The following UNC93B1 variants were observed in gnomAD, a reference collection of about 807,000 sequenced individuals.
UNC93B1 encodes unc-93B1 regulator of TLR signaling.
UNC93B1 carries 33 observed loss-of-function variants against 56.8 expected under a neutral mutation model. That is an observed-to-expected ratio of 0.58 (90% CI 0.44 to 0.78). The LOEUF (loss-of-function observed/expected upper bound fraction) is 0.78. Among genes scored for constraint, UNC93B1 ranks in the 30% least tolerant of loss-of-function variants. The pLI is 0.00. For synonymous variants in UNC93B1, 334 were observed against 358.6 expected, an observed-to-expected ratio of 0.93 and a Z score of 0.77; for missense variants, 673 against 819.5, an observed-to-expected ratio of 0.82 and a Z score of 2.18.
At chr11:67,996,825 G>C (rs377212780) in intron 7 of UNC93B1, 41 bp from the exon 8 acceptor site, 2 of 1,488,042 alleles carry the variant, frequency 1.3e-6, no homozygotes, top group East Asian at 2.5e-5. Context: ...GCCAGGCCCA[G>C]GCCTGGCCTC....
At chr11:67,998,559 C>T in intron 5 of UNC93B1, 107 bp from the exon 6 acceptor site, 5 of 1,100,836 alleles carry the variant, frequency 4.5e-6, no homozygotes, top group Non-Finnish European at 4.0e-6. Flanking sequence ...GAACAGGGGC[C>T]TTCCCAGTTC....
chr11:68,002,984 G>T, intron 3 of UNC93B1, 38 bp downstream of exon 3: 1 of 1,573,868 alleles, frequency 6.4e-7, no homozygotes, highest in African/African-American at 1.4e-5. Flanking sequence ...CTCCGAAATG[G>T]GAGTACCGCA....
Position 67,995,690 on chromosome 11 carries a change from G to A in UNC93B1, c.1284C>T (p.Val428=), listed in dbSNP as rs1294831113. 3 of 1,547,726 alleles carry A rather than the reference G, an allele frequency of 1.9e-6. No individual in the cohort carries two copies. Among genetic ancestry groups the A allele is most frequent in the Non-Finnish European group, 2.6e-6 (3 of 1,146,498 alleles). ...ILFFWAPVPR[V]LQHSWILYVA... ...CATAGAGGATCCAGCTGTGTTGCAG[G>A]ACCCGAGGCACAGGGGCCCAGAAAA... The change falls in exon 9 of 11, where the codon GTC becomes GTT. Residue 428 remains valine, a synonymous_variant. Coordinates refer to ENST00000227471, the MANE Select transcript of UNC93B1 (RefSeq NM_030930.4).
chr11:68,004,059 G>A lies in UNC93B1; in HGVS notation c.-16C>T. ...CCGCCTCCATGGCCCGAACTACTGC[G>A]GACTCGCGGCGGTCGCCCCGGAGTC... On this transcript the variant is annotated 5_prime_UTR_variant, in exon 1 of 11. Coordinates refer to ENST00000227471, the MANE Select transcript of UNC93B1 (RefSeq NM_030930.4). The A allele has an allele frequency of 7.5e-7, 1 of 1,340,864 alleles. No homozygotes were observed. The highest frequency in any genetic ancestry group is 1.8e-5 in the South Asian group (1 of 55,084). 83.1% of individuals were successfully genotyped at this position (1,340,864 alleles called of 1,614,324 possible). A position where few individuals can be genotyped will look rare whatever the true frequency, so the allele number is the denominator to read the frequency against.
Position 68,003,996 on chromosome 11 carries a change from C to T in UNC93B1, c.48G>A (p.Pro16=), listed in dbSNP as rs1343235751. The part of the protein sequence containing the change: ...PLYPMAGAAG[P]QGDEDLLGVP... ...CCCCGAGCAGGTCCTCGTCGCCCTG[C>T]GGCCCCGCAGCCCCCGCCATCGGGT... The change falls in exon 1 of 11, where the codon CCG becomes CCA. Residue 16 remains proline, a synonymous_variant. Coordinates refer to ENST00000227471, the MANE Select transcript of UNC93B1 (RefSeq NM_030930.4). The surrounding 1 kb of genome is among the most constrained non-coding windows in gnomAD (Gnocchi z 4.4). 3 of 1,401,278 alleles carry T rather than the reference C, an allele frequency of 2.1e-6. No individual in the cohort carries two copies. Among genetic ancestry groups the T allele is most frequent in the Admixed American group, 2.7e-5 (1 of 37,580 alleles). 86.8% of individuals were successfully genotyped at this position (1,401,278 alleles called of 1,614,324 possible).
chr11:67,992,062 G>T (rs1253462392), intron 10 of UNC93B1, among the ~76,000 whole-genome samples: 1 of 152,236 alleles, frequency 6.6e-6, no homozygotes, highest in Non-Finnish European at 1.5e-5. Context: ...CCTTACAGTC[G>T]CCACGCCCCT....
chr11:67,997,765 G>C lies in UNC93B1; in HGVS notation c.816C>G (p.Asn272Lys). 2 of 1,610,186 alleles carry C rather than the reference G, an allele frequency of 1.2e-6. No individual in the cohort carries two copies. The change falls in exon 7 of 11, where the codon AAC becomes AAG. Residue 272 changes from asparagine (N) to lysine (K), a missense_variant. Asn to Lys is a moderately conservative substitution (Grantham distance 94). This residue lies in a region of UNC93B1 where 438 missense variants were observed against 465.9 expected (regional missense o/e 0.94). Coordinates refer to ENST00000227471, the MANE Select transcript of UNC93B1 (RefSeq NM_030930.4). ...TNSHGILSGF[N>K]KTVLRTLPRS... The stretch of plus-strand genomic sequence containing the variant: ...GCGGGAGCGTCCGCAGAACCGTCTT[G>C]TTGAAGCCGCTGAGGATCCCGTGGC...
In UNC93B1 at chr11:67,991,510, G is replaced by A. The variant is rs1856839078; in HGVS notation, c.*36C>T. ...TCAGACGTGGTAAACTGAGGCCGGC[G>A]AGGAGGGAGGCTGAGTCCGGGGACC... is the stretch of plus-strand genomic sequence containing the variant. On this transcript the variant is annotated 3_prime_UTR_variant, in exon 11 of 11. Coordinates refer to ENST00000227471, the MANE Select transcript of UNC93B1 (RefSeq NM_030930.4). The A allele has an allele frequency of 2.2e-6, 3 of 1,378,972 alleles. No individual in the cohort carries two copies. The highest frequency in any genetic ancestry group is 5.9e-5 in the East Asian group (2 of 34,082). The allele number at this position is 1,378,972 out of a possible 1,614,324, so 85.4% of individuals were successfully genotyped here.
intron 7 of UNC93B1, among the ~76,000 whole-genome samples, chr11:67,997,321 C>T (rs773753665): frequency 5.3e-5 from 8 of 152,238 alleles, no homozygotes; most frequent in Non-Finnish European, 8.8e-5. Flanking sequence ...GCCACACCTT[C>T]CAGCCCTCAC....
Position 68,003,375 on chromosome 11 carries a change from C to T in UNC93B1, c.239-200G>A. On this transcript the variant is annotated intron_variant, in intron 2 of 10. Coordinates refer to ENST00000227471, the MANE Select transcript of UNC93B1 (RefSeq NM_030930.4). This position sits in a 1 kb window ranked among gnomAD's most constrained non-coding sequence, Gnocchi z 4.4. ...GCCACTTGGCCAGCTAAGCCCAGAC[C>T]CCCACCCGCCTTGCTCCGCCGGCCT... The T allele has an allele frequency of 1.2e-6, 1 of 839,478 alleles. No homozygotes were observed. Among genetic ancestry groups the T allele is most frequent in the Non-Finnish European group, 1.7e-6 (1 of 571,542 alleles). 52.0% of individuals were successfully genotyped at this position (839,478 alleles called of 1,614,324 possible).
chr11:67,998,208 A>C (rs897596430), intron 6 of UNC93B1, 151 bp downstream of exon 6: 5 of 875,088 alleles, frequency 5.7e-6, no homozygotes, highest in Non-Finnish European at 9.1e-6. Flanking sequence ...AGATGTCCTA[A>C]CTACTTACTC....
chr11:68,000,205 C>T (rs1169251052), intron 3 of UNC93B1, among the ~76,000 whole-genome samples: 1 of 152,214 alleles, frequency 6.6e-6, no homozygotes, highest in Non-Finnish European at 1.5e-5. Context: ...CACACAGTGA[C>T]AATAGAAGGG....
At chr11:68,002,907 C>T in intron 3 of UNC93B1, 115 bp downstream of exon 3, 2 of 1,378,294 alleles carry the variant, frequency 1.5e-6, no homozygotes, top group Non-Finnish European at 1.9e-6. Flanking sequence ...AAAACCTCTC[C>T]CTTGTTCCCT....
intron 4 of UNC93B1, 61 bp downstream of exon 4, chr11:67,999,458 G>A (rs1379943717): frequency 2.6e-6 from 4 of 1,544,996 alleles, no homozygotes; most frequent in Middle Eastern, 1.7e-4. Context: ...GCCAAAGTTG[G>A]CAATAAAGTG....
At chr11:67,995,480 C>T in intron 9 of UNC93B1, 131 bp downstream of exon 9, 3 of 802,032 alleles carry the variant, frequency 3.7e-6, no homozygotes, top group East Asian at 2.8e-5. Flanking sequence ...TCTGCCATGT[C>T]CACAGGACCC....
intron 3 of UNC93B1, among the ~76,000 whole-genome samples, chr11:68,001,006 C>CCAA (rs1435392881): frequency 1.3e-5 from 2 of 152,038 alleles, no homozygotes; most frequent in Non-Finnish European, 2.9e-5. Flanking sequence ...ACCAGCCTGG[C>CCAA]CAACATGGTG....
chr11:68,002,869 C>A (rs1857068383), intron 3 of UNC93B1, among the ~76,000 whole-genome samples, 153 bp downstream of exon 3: 2 of 152,162 alleles, frequency 1.3e-5, no homozygotes, highest in African/African-American at 2.4e-5. Flanking sequence ...AGTTTCACCC[C>A]CTTCACTCTC....
chr11:67,995,492 A>C, intron 9 of UNC93B1, 119 bp downstream of exon 9: 2 of 848,232 alleles, frequency 2.4e-6, no homozygotes, highest in Non-Finnish European at 3.5e-6. Context: ...ACAGGACCCT[A>C]TGTGACCATG....
At chr11:67,998,209 C>T (rs997172093) in intron 6 of UNC93B1, 150 bp downstream of exon 6, 7 of 880,646 alleles carry the variant, frequency 7.9e-6, no homozygotes, top group Non-Finnish European at 1.3e-5. Flanking sequence ...GATGTCCTAA[C>T]TACTTACTCC....
Sources: allele counts gnomAD v4.1 joint callset (sites outside exome capture counted in the v4.1 genomes callset), GRCh38; gene constraint gnomAD v4.1.1; regional missense constraint gnomAD v4.1.1; non-coding constraint Gnocchi (gnomAD v3.1); transcripts MANE v1.5; gene names NCBI Gene and HGNC (gene_info 2026-07-23, HGNC 2026-07-21).